Variants in NAT8L observed in about 807,000 individuals in gnomAD.
NAT8L encodes the protein aspartate N-acetyltransferase.
NAT8L carries 6 observed loss-of-function variants against 21.2 expected under a neutral mutation model. The observed-to-expected ratio is 0.28, with a 90% CI of 0.16 to 0.56. NAT8L has a LOEUF of 0.56. Among genes scored for constraint, NAT8L ranks in the 20% least tolerant of loss-of-function variants. The pLI is 0.93. For missense variants in NAT8L, 331 were observed against 433.3 expected (o/e 0.76, Z 2.10); for synonymous variants, 239 against 204.9 (o/e 1.17, Z -1.42).
Position 2,065,310 on chromosome 4 carries a change from G to T in NAT8L, c.*1183G>T, listed in dbSNP as rs914883856. 1 of 152,190 alleles carries T rather than the reference G, an allele frequency of 6.6e-6. No homozygotes were observed. The highest frequency in any genetic ancestry group is 6.5e-5 in the Admixed American group (1 of 15,278). The allele number at this position is 152,190 out of a possible 1,614,324, so 9.4% of individuals were successfully genotyped here. On this transcript the variant is annotated 3_prime_UTR_variant, in exon 3 of 3. Transcript: ENST00000423729. ...GGGGGCAAGGGAGTCCGCAGCCTCC[G>T]GGAGGAGGGGCAGGGCGCTGCCTTG...
chr4:2,063,623 C>T (rs537565139), intron 2 of NAT8L, 137 bp from the exon 3 acceptor site: 16 of 1,520,400 alleles, frequency 1.1e-5, no homozygotes, highest in African/African-American at 2.7e-5. Flanking sequence ...CGGGGGCTGC[C>T]GGGATTGGGT....
rs774949352 is a variant in NAT8L at position 2,061,210 on chromosome 4, C to T, written c.541+48C>T. The T allele has an allele frequency of 1.6e-5, 26 of 1,605,682 alleles. No individual in the cohort carries two copies. The South Asian group carries it at 2.0e-4, about 12-fold the overall frequency. On this transcript the variant is annotated intron_variant, in intron 2 of 2. Coordinates refer to ENST00000423729, the MANE Select transcript of NAT8L (RefSeq NM_178557.4). ...CCCGACCTCCGCCCCAGACAGCCCTCGGGGGCACGCACTCCAGCGACCTCA... is the reference window on the plus strand; with the variant it reads ...CCCGACCTCCGCCCCAGACAGCCCTTGGGGGCACGCACTCCAGCGACCTCA...
rs969120758 is a variant in NAT8L at position 2,060,286 on chromosome 4, A to C, written c.376+399A>C. Among the ~76,000 whole-genome samples, 11 of 152,052 alleles carry C rather than the reference A, an allele frequency of 7.2e-5. No individual in the cohort carries two copies. Among genetic ancestry groups the C allele is most frequent in the South Asian group, 2.1e-4 (1 of 4,832 alleles). ...CGCTCGGTGCTAATTTATGAGGGGA[A>C]GACAGCCGGCGCCGCGGGGGGTGCG... On this transcript the variant is annotated intron_variant, in intron 1 of 2. Coordinates refer to ENST00000423729, the MANE Select transcript of NAT8L (RefSeq NM_178557.4). The surrounding 1 kb of genome is among the most constrained non-coding windows in gnomAD (Gnocchi z 4.7).
rs1174829521 is a variant in NAT8L, at chr4:2,067,162, C to T, written c.*3035C>T. ...ATGTGGTCTGGCCCCCAGAAGGGCT[C>T]CTGAGCGTAGGGAGTTGAGCCCCGC... On this transcript the variant is annotated 3_prime_UTR_variant, in exon 3 of 3. Transcript: ENST00000423729. 3 of 152,398 alleles carry T rather than the reference C, an allele frequency of 2.0e-5. No homozygotes were observed. The highest frequency in any genetic ancestry group is 2.0e-4 in the Admixed American group (3 of 15,292). 9.4% of individuals were successfully genotyped at this position (152,398 alleles called of 1,614,324 possible).
chr4:2,061,309 C>T lies in NAT8L; in HGVS notation c.541+147C>T, dbSNP rs181633674. The stretch of plus-strand genomic sequence containing the variant: ...CTGTGACCTGAGCCTTCTGGGTGAC[C>T]GAGGCCTCCGGTGTCAGCGGGGCTG... On this transcript the variant is annotated intron_variant, in intron 2 of 2. Coordinates refer to ENST00000423729, the MANE Select transcript of NAT8L (RefSeq NM_178557.4). The T allele has an allele frequency of 7.7e-4, 1,118 of 1,443,394 alleles. 12 individuals are homozygous for T. In the African/African-American group the frequency reaches 0.014, roughly 18 times the overall value. 89.4% of individuals were successfully genotyped at this position (1,443,394 alleles called of 1,614,324 possible). A position where few individuals can be genotyped will look rare whatever the true frequency, so the allele number is the denominator to read the frequency against.
intron 2 of NAT8L, among the ~76,000 whole-genome samples, chr4:2,062,855 C>G (rs1015113160): frequency 2.6e-5 from 4 of 152,162 alleles, no homozygotes; most frequent in African/African-American, 4.8e-5. Flanking sequence ...CTCCACTGGC[C>G]AAACCCTTGG....
rs1729984547 is a variant in NAT8L at position 2,065,682 on chromosome 4, G to A, written c.*1555G>A. 6.6e-6 allele frequency: 1 copy of A among 152,518 alleles called. No individual in the cohort carries two copies. The highest frequency in any genetic ancestry group is 1.5e-5 in the Non-Finnish European group (1 of 68,162). 9.4% of individuals were successfully genotyped at this position (152,518 alleles called of 1,614,324 possible). On this transcript the variant is annotated 3_prime_UTR_variant, in exon 3 of 3. Coordinates refer to ENST00000423729, the MANE Select transcript of NAT8L (RefSeq NM_178557.4). Reference sequence around the variant, plus strand: ...GAGGCGCTTCAGAAGCGAGCGAAGGGACAGAGAAGCCCTGCGTCCAAGGGC... The same window carrying A: ...GAGGCGCTTCAGAAGCGAGCGAAGGAACAGAGAAGCCCTGCGTCCAAGGGC...
chr4:2,064,659 G>C lies in NAT8L; in HGVS notation c.*532G>C, dbSNP rs1011115118. ...CTGCCCAGACTGGACCCGGAGACCC[G>C]GGCTGGTGAGCGCCCCTGTCCCCAG... On this transcript the variant is annotated 3_prime_UTR_variant, in exon 3 of 3. Transcript: ENST00000423729. 1 of 153,404 alleles carries C rather than the reference G, an allele frequency of 6.5e-6. No individual in the cohort carries two copies. The highest frequency in any genetic ancestry group is 1.9e-4 in the East Asian group (1 of 5,184). The allele number at this position is 153,404 out of a possible 1,614,324, so 9.5% of individuals were successfully genotyped here.
Position 2,066,697 on chromosome 4 carries a change from A to G in NAT8L, c.*2570A>G, listed in dbSNP as rs1730007693. ...AAGCGCCCTCCTGGGCCCTGCTGTC[A>G]CGTGGCTGGTGCGGCTTCCCCGAGT... is the stretch of plus-strand genomic sequence containing the variant. On this transcript the variant is annotated 3_prime_UTR_variant, in exon 3 of 3. Transcript: ENST00000423729. The G allele has an allele frequency of 6.5e-6, 1 of 152,718 alleles. No individual in the cohort carries two copies. The highest frequency in any genetic ancestry group is 2.4e-5 in the African/African-American group (1 of 41,440). The allele number at this position is 152,718 out of a possible 1,614,324, so 9.5% of individuals were successfully genotyped here.
rs562167633 is a variant in NAT8L at position 2,063,373 on chromosome 4, C to T, written c.542-387C>T. On this transcript the variant is annotated intron_variant, in intron 2 of 2. Coordinates refer to ENST00000423729, the MANE Select transcript of NAT8L (RefSeq NM_178557.4). Reference sequence around the variant, plus strand: ...CTGGGAGTAGCTGGGCAGAGGGCAGCGGCCTGACTGGGCAAAGCCTGCCCC... The same window carrying T: ...CTGGGAGTAGCTGGGCAGAGGGCAGTGGCCTGACTGGGCAAAGCCTGCCCC... Among the ~76,000 whole-genome samples the T allele has an allele frequency of 6.6e-5, 10 of 152,378 alleles. No individual in the cohort carries two copies. The East Asian group carries it at 1.5e-3, about 24-fold the overall frequency.
chr4:2,061,211 G>C, intron 2 of NAT8L, 49 bp downstream of exon 2: 2 of 1,605,668 alleles, frequency 1.2e-6, no homozygotes, highest in East Asian at 2.2e-5. Context: ...GACAGCCCTC[G>C]GGGGCACGCA....
In NAT8L at chr4:2,064,394, T is replaced by C. The variant is rs1282321544; in HGVS notation, c.*267T>C. 1.6e-5 allele frequency: 3 copies of C among 186,246 alleles called. No individual in the cohort carries two copies. The highest frequency in any genetic ancestry group is 2.4e-5 in the African/African-American group (1 of 41,660). 11.5% of individuals were successfully genotyped at this position (186,246 alleles called of 1,614,324 possible). A position where few individuals can be genotyped will look rare whatever the true frequency, so the allele number is the denominator to read the frequency against. The stretch of plus-strand genomic sequence containing the variant: ...GGCTTGCCACCTGAAGAGTGGCATC[T>C]TGGACCACCGCGGCTGTCCATGACG... On this transcript the variant is annotated 3_prime_UTR_variant, in exon 3 of 3. Coordinates refer to ENST00000423729, the MANE Select transcript of NAT8L (RefSeq NM_178557.4).
rs911281159 is a variant in NAT8L, at chr4:2,060,328, G to A, written c.376+441G>A. Among the ~76,000 whole-genome samples, 3 of 152,212 alleles carry A rather than the reference G, an allele frequency of 2.0e-5. No homozygotes were observed. The highest frequency in any genetic ancestry group is 7.2e-5 in the African/African-American group (3 of 41,460). On this transcript the variant is annotated intron_variant, in intron 1 of 2. Transcript: ENST00000423729. The surrounding 1 kb of genome is among the most constrained non-coding windows in gnomAD (Gnocchi z 4.7). ...GGGGGTGCGCGCGCCTGGCACAGCC[G>A]GGGCGGTCGCAGAGGGCGGCCCCTT...
rs1411229100 is a variant in NAT8L at position 2,068,786 on chromosome 4, C to G, written c.*4659C>G. 2 of 152,230 alleles carry G rather than the reference C, an allele frequency of 1.3e-5. No homozygotes were observed. Among genetic ancestry groups the G allele is most frequent in the East Asian group, 3.9e-4 (2 of 5,184 alleles). The allele number at this position is 152,230 out of a possible 1,614,324, so 9.4% of individuals were successfully genotyped here. ...CCCGGGCTGAGCCTCCCTGGCCCCTCTTGCCCCTCAGTGGAGCAGGGCCTG... is the reference window on the plus strand; with the variant it reads ...CCCGGGCTGAGCCTCCCTGGCCCCTGTTGCCCCTCAGTGGAGCAGGGCCTG... On this transcript the variant is annotated 3_prime_UTR_variant, in exon 3 of 3. Coordinates refer to ENST00000423729, the MANE Select transcript of NAT8L (RefSeq NM_178557.4).
chr4:2,062,107 C>T (rs958641587), intron 2 of NAT8L, among the ~76,000 whole-genome samples: 1 of 152,210 alleles, frequency 6.6e-6, no homozygotes, highest in African/African-American at 2.4e-5. Flanking sequence ...ACACAGGGGG[C>T]TCCGGTGGGC....
chr4:2,061,557 C>T (rs1388568448), intron 2 of NAT8L, among the ~76,000 whole-genome samples: 1 of 152,084 alleles, frequency 6.6e-6, no homozygotes, highest in Non-Finnish European at 1.5e-5. Flanking sequence ...GCCGGGGACC[C>T]TATTGGGGCA....
rs376253416 is a variant in NAT8L, at chr4:2,061,161, C to T, written c.540C>T (p.Pro180=). ...ADIEQYYMKP[P]GSCFWVAVLD... ...TCGAGCAGTACTACATGAAGCCGCCCGGTGAGTCCCGCTCCCGCCGCTCCC... is the reference window on the plus strand; with the variant it reads ...TCGAGCAGTACTACATGAAGCCGCCTGGTGAGTCCCGCTCCCGCCGCTCCC... The change falls in exon 2 of 3, where the codon CCC becomes CCT. Residue 180 remains proline (P), a splice_region_variant and synonymous_variant. Coordinates refer to ENST00000423729, the MANE Select transcript of NAT8L (RefSeq NM_178557.4). 1.5e-5 allele frequency: 24 copies of T among 1,609,248 alleles called. No homozygotes were observed. The South Asian group carries it at 1.8e-4, about 12-fold the overall frequency.
intron 2 of NAT8L, among the ~76,000 whole-genome samples, chr4:2,062,844 C>T (rs1452231408): frequency 6.6e-6 from 1 of 152,242 alleles, no homozygotes; most frequent in Non-Finnish European, 1.5e-5. Context: ...GCTGTGTGGC[C>T]CTCCACTGGC....
Position 2,067,106 on chromosome 4 carries a change from G to A in NAT8L, c.*2979G>A, listed in dbSNP as rs1272655399. 1 of 152,408 alleles carries A rather than the reference G, an allele frequency of 6.6e-6. No homozygotes were observed. The highest frequency in any genetic ancestry group is 1.5e-5 in the Non-Finnish European group (1 of 68,170). 9.4% of individuals were successfully genotyped at this position (152,408 alleles called of 1,614,324 possible). ...GAGTCGCTGCAGACCTGGTCCCTGA[G>A]GGTGGGAGGCCTGCTTGTGCTGAAG... On this transcript the variant is annotated 3_prime_UTR_variant, in exon 3 of 3. Coordinates refer to ENST00000423729, the MANE Select transcript of NAT8L (RefSeq NM_178557.4).
Sources: allele counts gnomAD v4.1 joint callset (sites outside exome capture counted in the v4.1 genomes callset), GRCh38; gene constraint gnomAD v4.1.1; non-coding constraint Gnocchi (gnomAD v3.1); transcripts MANE v1.5; gene names NCBI Gene and HGNC (gene_info 2026-07-23, HGNC 2026-07-21).